EPAS1: variants seen among roughly 807,000 people sequenced by gnomAD.
The protein encoded by EPAS1 is endothelial PAS domain protein 1, also known as endothelial PAS domain-containing protein 1.
Under a neutral mutation model 87.9 loss-of-function variants are expected in EPAS1, and 23 were observed. The ratio of observed to expected loss-of-function variants is 0.26; its 90% CI spans 0.19 to 0.37. The LOEUF (loss-of-function observed/expected upper bound fraction) is 0.37, where lower values mean the gene tolerates loss of function less well. Among genes scored for constraint, EPAS1 ranks in the 10% least tolerant of loss-of-function variants. The pLI is 1.00. For synonymous variants in EPAS1, 508 were observed against 444.3 expected (o/e 1.14, Z -1.80); for missense variants, 1,138 against 1,120.7 (o/e 1.02, Z -0.22).
Position 46,297,967 on chromosome 2 carries a change from C to G in EPAS1, c.26+30C>G, listed in dbSNP as rs758432350. The G allele has an allele frequency of 1.9e-6, 3 of 1,610,502 alleles. No individual in the cohort carries two copies. In the South Asian group the frequency reaches 3.3e-5, roughly 18 times the overall value. On this transcript the variant is annotated intron_variant, in intron 1 of 15. Transcript: ENST00000263734. ...GCGGGCGTCCGGGCCGATCAGGGGG[C>G]CGGTCCGAGGCCAGGGCCGGGCTGC...
chr2:46,312,903 C>T (rs1391120961), intron 1 of EPAS1, among the ~76,000 whole-genome samples: 3 of 149,626 alleles, frequency 2.0e-5, no homozygotes, highest in Non-Finnish European at 4.5e-5. Flanking sequence ...AGATGTGATT[C>T]TGTCGAGAAT....
Position 46,375,917 on chromosome 2 carries a change from T to C in EPAS1, c.1034+80T>C. ...CTTCCCAGACTCAGGATGACAGGCC[T>C]AGGAGATGCCAGGCCTCTCAGCGCC... On this transcript the variant is annotated intron_variant, in intron 8 of 15. Transcript: ENST00000263734. This position sits in a 1 kb window ranked among gnomAD's most constrained non-coding sequence, Gnocchi z 4.1. The C allele has an allele frequency of 1.9e-6, 3 of 1,596,304 alleles. No homozygotes were observed. Among genetic ancestry groups the C allele is most frequent in the Non-Finnish European group, 2.6e-6 (3 of 1,165,874 alleles).
intron 2 of EPAS1, among the ~76,000 whole-genome samples, chr2:46,353,221 C>T (rs1684206133): frequency 6.6e-6 from 1 of 152,206 alleles, no homozygotes; most frequent in South Asian, 2.1e-4. Context: ...CACCTGCCAG[C>T]ACAGGGTAAT....
intron 1 of EPAS1, among the ~76,000 whole-genome samples, chr2:46,332,441 G>A (rs7596312): frequency 0.031 from 4,657 of 152,080 alleles, 222 homozygotes; most frequent in African/African-American, 0.11. Flanking sequence ...CAGTAGCAGA[G>A]ATTCGCCATT....
chr2:46,326,309 G>C (rs929907610), intron 1 of EPAS1, among the ~76,000 whole-genome samples: 2 of 152,194 alleles, frequency 1.3e-5, no homozygotes, highest in Admixed American at 6.5e-5. Context: ...CGACTATCAA[G>C]ATTTCCTGGA....
chr2:46,349,452 A>G (rs534393825), intron 2 of EPAS1, among the ~76,000 whole-genome samples: 28 of 152,330 alleles, frequency 1.8e-4, no homozygotes, highest in African/African-American at 6.0e-4. Flanking sequence ...GAGTGGCCAC[A>G]GTGGGACATC....
At chr2:46,376,364 C>G (rs1003398884) in intron 8 of EPAS1, among the ~76,000 whole-genome samples, 175 bp from the exon 9 acceptor site, 1 of 152,170 alleles carries the variant, frequency 6.6e-6, no homozygotes, top group African/African-American at 2.4e-5. Context: ...CCTCTGTTGT[C>G]ACTACCTCCA....
intron 1 of EPAS1, among the ~76,000 whole-genome samples, chr2:46,301,323 C>T (rs1682991679): frequency 6.6e-6 from 1 of 152,098 alleles, no homozygotes; most frequent in Non-Finnish European, 1.5e-5. Flanking sequence ...TGCCTGTAAT[C>T]CCAGCACTTT....
Position 46,356,287 on chromosome 2 carries a change from C to T in EPAS1, c.354C>T (p.Phe118=), listed in dbSNP as rs767974116. Residue 118 remains phenylalanine, a synonymous_variant, in exon 3 of 16, where the codon TTC becomes TTT. Coordinates refer to ENST00000263734, the MANE Select transcript of EPAS1 (RefSeq NM_001430.5). ...TTCTGTCAGAAAACATCAGCAAGTT[C>T]ATGGGACTTACACAGGTGACACCCT... ...MIFLSENISK[F]MGLTQVELTG... 4.3e-6 allele frequency: 7 copies of T among 1,614,222 alleles called. No individual in the cohort carries two copies. The South Asian group carries it at 7.7e-5, about 18-fold the overall frequency.
In EPAS1 at chr2:46,347,288, C is replaced by A; in HGVS notation, c.217+225C>A. 2 of 606,534 alleles carry A rather than the reference C, an allele frequency of 3.3e-6. No homozygotes were observed. Among genetic ancestry groups the A allele is most frequent in the Non-Finnish European group, 2.9e-6 (1 of 341,610 alleles). The allele number at this position is 606,534 out of a possible 1,614,324, so 37.6% of individuals were successfully genotyped here. A position where few individuals can be genotyped will look rare whatever the true frequency, so the allele number is the denominator to read the frequency against. On this transcript the variant is annotated intron_variant, in intron 2 of 15. Transcript: ENST00000263734. The surrounding 1 kb of genome is among the most constrained non-coding windows in gnomAD (Gnocchi z 4.2). Reference sequence around the variant, plus strand: ...TGTGAGAGGAGGGCAGGGACAGGACCAGGGAAGAACATGGGCACCCAGAGG... The same window carrying A: ...TGTGAGAGGAGGGCAGGGACAGGACAAGGGAAGAACATGGGCACCCAGAGG...
chr2:46,338,948 G>A (rs2104865080), intron 1 of EPAS1, among the ~76,000 whole-genome samples: 1 of 152,218 alleles, frequency 6.6e-6, no homozygotes, highest in East Asian at 1.9e-4. Context: ...TCACTGTGAG[G>A]TGGCTACGGG....
Position 46,381,956 on chromosome 2 carries a change from C to A in EPAS1, c.2173-19C>A. Reference sequence around the variant, plus strand: ...TTCTCTGGCCATTTCCCCTTTCCATCTGCCCTTCTTACTCCCAGGGGGACC... The same window carrying A: ...TTCTCTGGCCATTTCCCCTTTCCATATGCCCTTCTTACTCCCAGGGGGACC... On this transcript the variant is annotated intron_variant, in intron 13 of 15. Coordinates refer to ENST00000263734, the MANE Select transcript of EPAS1 (RefSeq NM_001430.5). 7.1e-7 allele frequency: 1 copy of A among 1,417,448 alleles called. No homozygotes were observed. The highest frequency in any genetic ancestry group is 3.2e-5 in the East Asian group (1 of 31,132). The allele number at this position is 1,417,448 out of a possible 1,614,324, so 87.8% of individuals were successfully genotyped here. A position where few individuals can be genotyped will look rare whatever the true frequency, so the allele number is the denominator to read the frequency against.
intron 1 of EPAS1, among the ~76,000 whole-genome samples, chr2:46,331,768 G>A (rs751786360): frequency 2.4e-4 from 37 of 151,934 alleles, no homozygotes; most frequent in Non-Finnish European, 4.3e-4. Context: ...AGACTACTCA[G>A]GGAGAGCCAC....
chr2:46,335,950 A>T (rs1225414903), intron 1 of EPAS1: 1 of 152,218 alleles, frequency 6.6e-6, no homozygotes, highest in Admixed American at 6.5e-5. Flanking sequence ...GCCTCTGTCC[A>T]TAGAGTTCTC....
intron 12 of EPAS1, chr2:46,381,374 C>A: frequency 1.5e-6 from 1 of 649,052 alleles, no homozygotes; most frequent in Non-Finnish European, 2.7e-6. Context: ...AGCCATCCCC[C>A]AGACCAGGAG....
intron 9 of EPAS1, 34 bp from the exon 10 acceptor site, chr2:46,377,860 T>G (rs7608620): frequency 6.4e-7 from 1 of 1,551,698 alleles, no homozygotes; most frequent in Non-Finnish European, 8.7e-7. Context: ...CCGATGGTTG[T>G]GGGTGTTCAC....
intron 1 of EPAS1, among the ~76,000 whole-genome samples, chr2:46,311,619 T>TA (rs1486705979): frequency 6.6e-6 from 1 of 152,252 alleles, no homozygotes; most frequent in Non-Finnish European, 1.5e-5. Context: ...TGTGACTAGA[T>TA]ATCTGTTAGG....
intron 6 of EPAS1, among the ~76,000 whole-genome samples, chr2:46,369,267 G>T (rs1684571584): frequency 6.6e-6 from 1 of 152,162 alleles, no homozygotes; most frequent in South Asian, 2.1e-4. Flanking sequence ...GCACAGACGG[G>T]TTCTGCCTGC....
intron 1 of EPAS1, among the ~76,000 whole-genome samples, chr2:46,327,978 G>A (rs77536889): frequency 3.3e-5 from 5 of 152,048 alleles, no homozygotes; most frequent in African/African-American, 7.2e-5. Flanking sequence ...CCTCCGGGGG[G>A]GCTACACGTA....
Sources: gnomAD v4.1 joint callset for allele counts (sites outside exome capture counted in the v4.1 genomes callset) on GRCh38, gnomAD v4.1.1 for gene constraint, Gnocchi (gnomAD v3.1) non-coding constraint, MANE v1.5 for transcripts, NCBI Gene and HGNC (gene_info 2026-07-23, HGNC 2026-07-21) for gene names.